PTPRN2: variants seen among roughly 807,000 people sequenced by gnomAD.
PTPRN2 encodes the protein protein tyrosine phosphatase receptor type N2, also known as receptor-type tyrosine-protein phosphatase N2.
PTPRN2 carries 74 observed loss-of-function variants against 118.8 expected under a neutral mutation model. That is an observed-to-expected ratio of 0.62 (90% CI 0.52 to 0.76). The LOEUF (loss-of-function observed/expected upper bound fraction) is 0.76, where lower values mean the gene tolerates loss of function less well. PTPRN2 is among the 30% of genes least tolerant of loss of function. The pLI, the probability that PTPRN2 is intolerant of heterozygous loss-of-function variation, is 0.00. For synonymous variants in PTPRN2, 641 were observed against 608.0 expected (o/e 1.05, Z -0.80); for missense variants, 1,481 against 1,394.4 (o/e 1.06, Z -0.99).
At chr7:157,926,173 T>C (rs1798980076) in intron 11 of PTPRN2, among the ~76,000 whole-genome samples, 1 of 150,192 alleles carries the variant, frequency 6.7e-6, no homozygotes, top group Non-Finnish European at 1.5e-5. Flanking sequence ...TGTCCACTGA[T>C]AAACCACAGC....
chr7:158,074,528 T>C (rs1374997049), intron 11 of PTPRN2, among the ~76,000 whole-genome samples: 1 of 152,200 alleles, frequency 6.6e-6, no homozygotes. Flanking sequence ...TATGGGTGTT[T>C]ATCTAGGCTG....
intron 1 of PTPRN2, among the ~76,000 whole-genome samples, chr7:158,512,366 A>G (rs1484037528): frequency 1.3e-5 from 2 of 152,182 alleles, no homozygotes; most frequent in African/African-American, 4.8e-5. Flanking sequence ...TCCCTATTGG[A>G]GTGGAGGTTA....
intron 10 of PTPRN2, among the ~76,000 whole-genome samples, chr7:158,106,805 A>G (rs1815727030): frequency 6.6e-6 from 1 of 152,126 alleles, no homozygotes; most frequent in Non-Finnish European, 1.5e-5. Flanking sequence ...AAACCCCTCT[A>G]ATTTTCAAAA....
chr7:157,661,318 C>T (rs1262759040), intron 13 of PTPRN2, among the ~76,000 whole-genome samples: 7 of 152,274 alleles, frequency 4.6e-5, no homozygotes, highest in East Asian at 3.8e-4. Flanking sequence ...GAAAGCTTGG[C>T]GCAGAATGCT....
At chr7:158,531,182 C>T (rs551200242) in intron 1 of PTPRN2, among the ~76,000 whole-genome samples, 5 of 152,308 alleles carry the variant, frequency 3.3e-5, no homozygotes, top group South Asian at 2.1e-4. Flanking sequence ...CTGCCCCAAA[C>T]CATGCCTGAC....
intron 9 of PTPRN2, among the ~76,000 whole-genome samples, chr7:158,129,413 A>ACACATACCACACCATGCAG (rs1398392255): frequency 1.4e-5 from 2 of 147,080 alleles, no homozygotes; most frequent in Non-Finnish European, 3.0e-5. Flanking sequence ...CAGACATGCA[A>ACACATACCACACCATGCAG]CACATACCAC....
chr7:158,543,290 G>A (rs1219894649), intron 1 of PTPRN2, among the ~76,000 whole-genome samples: 1 of 152,156 alleles, frequency 6.6e-6, no homozygotes, highest in Non-Finnish European at 1.5e-5. Context: ...AGGCTCTGAA[G>A]GTGGGTGGGA....
At chr7:158,556,702 G>A (rs1430149535) in intron 1 of PTPRN2, among the ~76,000 whole-genome samples, 1 of 152,212 alleles carries the variant, frequency 6.6e-6, no homozygotes, top group African/African-American at 2.4e-5. Context: ...CTCCCGCGCA[G>A]GTCAGACGGC....
intron 3 of PTPRN2, among the ~76,000 whole-genome samples, chr7:158,208,989 TA>T (rs1004748961): frequency 1.3e-5 from 2 of 152,106 alleles, no homozygotes; most frequent in Non-Finnish European, 2.9e-5. Flanking sequence ...CCGTTTAAAA[TA>T]ATGGGTTATA....
At chr7:158,064,518 A>G (rs1810613109) in intron 11 of PTPRN2, among the ~76,000 whole-genome samples, 1 of 152,134 alleles carries the variant, frequency 6.6e-6, no homozygotes, top group Non-Finnish European at 1.5e-5. Context: ...GTCACGCCGG[A>G]CACTGCCCCA....
intron 11 of PTPRN2, among the ~76,000 whole-genome samples, chr7:157,991,855 A>T (rs1804280609): frequency 6.6e-6 from 1 of 152,192 alleles, no homozygotes; most frequent in Non-Finnish European, 1.5e-5. Flanking sequence ...AGGGCACCTA[A>T]GCGCTGAGCA....
chr7:157,950,893 C>T (rs533250172), intron 11 of PTPRN2, among the ~76,000 whole-genome samples: 128 of 152,228 alleles, frequency 8.4e-4, no homozygotes, highest in Non-Finnish European at 1.6e-3. Flanking sequence ...ATGGTGATGG[C>T]GGGTGGCCAT....
At chr7:158,380,863 T>C (rs1002431714) in intron 2 of PTPRN2, among the ~76,000 whole-genome samples, 79 of 152,254 alleles carry the variant, frequency 5.2e-4, no homozygotes, top group African/African-American at 1.8e-3. Flanking sequence ...ACCCCAGTAC[T>C]TGACTTCTGT....
rs1339246389 is a variant in PTPRN2 at position 157,676,884 on chromosome 7, G to A, written c.2001+5841C>T. 2.6e-5 allele frequency among the ~76,000 whole-genome samples: 4 copies of A among 152,164 alleles called. No homozygotes were observed. The East Asian group carries it at 5.8e-4, about 22-fold the overall frequency. On this transcript the variant is annotated intron_variant, in intron 13 of 22. Transcript: ENST00000389418. This position sits in a 1 kb window ranked among gnomAD's most constrained non-coding sequence, Gnocchi z 5.6. ...GGAGCGACCCTGGCTTTGACGAGAA[G>A]GAAGTGTTCTCTGGTTCTGGCAGAG... is the stretch of plus-strand genomic sequence containing the variant.
chr7:158,118,304 T>C (rs746596022), intron 9 of PTPRN2, among the ~76,000 whole-genome samples: 5 of 152,198 alleles, frequency 3.3e-5, no homozygotes, highest in Non-Finnish European at 5.9e-5. Flanking sequence ...TTGTATGTTA[T>C]TGAAGTCAAG....
At chr7:157,799,309 C>G (rs946021814) in intron 12 of PTPRN2, among the ~76,000 whole-genome samples, 3 of 151,928 alleles carry the variant, frequency 2.0e-5, no homozygotes, top group African/African-American at 7.3e-5. Flanking sequence ...CGGATCCGGG[C>G]TGGCCTGGCC....
intron 2 of PTPRN2, among the ~76,000 whole-genome samples, chr7:158,443,290 C>T (rs1400145189): frequency 6.6e-6 from 1 of 152,224 alleles, no homozygotes; most frequent in Non-Finnish European, 1.5e-5. Flanking sequence ...TGGCTTCTCC[C>T]CGAAGGCACA....
At chr7:157,898,190 C>G (rs966741174) in intron 12 of PTPRN2, among the ~76,000 whole-genome samples, 21 of 152,284 alleles carry the variant, frequency 1.4e-4, no homozygotes, top group African/African-American at 4.8e-4. Flanking sequence ...TTTGCACACA[C>G]AGGGGCTTGA....
At chr7:157,689,695 A>T (rs1302654999) in intron 12 of PTPRN2, among the ~76,000 whole-genome samples, 1 of 152,158 alleles carries the variant, frequency 6.6e-6, no homozygotes, top group South Asian at 2.1e-4. Flanking sequence ...GTCCAGTCAC[A>T]AGTTTCTCTC....
Sources: gnomAD v4.1 joint callset for allele counts (sites outside exome capture counted in the v4.1 genomes callset) on GRCh38, gnomAD v4.1.1 for gene constraint, Gnocchi (gnomAD v3.1) non-coding constraint, MANE v1.5 for transcripts, NCBI Gene and HGNC (gene_info 2026-07-23, HGNC 2026-07-21) for gene names.